The following RNF216 variants were observed in gnomAD, a reference collection of about 807,000 sequenced individuals.
The protein encoded by RNF216 is E3 ubiquitin-protein ligase RNF216.
Under a neutral mutation model 110.8 loss-of-function variants are expected in RNF216, and 72 were observed. The observed-to-expected ratio is 0.65, with a 90% confidence interval of 0.54 to 0.79. The LOEUF is 0.79. Among genes scored for constraint, RNF216 ranks in the 30% least tolerant of loss-of-function variants. RNF216 has a pLI of 0.00. For synonymous variants in RNF216, 495 were observed against 407.5 expected, an observed-to-expected ratio of 1.21 and a Z score of -2.59; for missense variants, 1,342 against 1,141.2, an observed-to-expected ratio of 1.18 and a Z score of -2.54.
intron 3 of RNF216, among the ~76,000 whole-genome samples, chr7:5,747,852 C>T (rs1795116494): frequency 6.6e-6 from 1 of 150,922 alleles, no homozygotes; most frequent in Non-Finnish European, 1.5e-5. Flanking sequence ...AATCATAGCT[C>T]ACTACAGCCT....
Position 5,742,995 on chromosome 7 carries a change from GC to G in RNF216, c.202-1181del, listed in dbSNP as rs554814217. The stretch of plus-strand genomic sequence containing the variant: ...TAAAAAACGTAGGCCAGGCGTGGTG[GC>G]TCATGCCTGTAATCCCAGCATTCAG... On this transcript the variant is annotated intron_variant, in intron 3 of 16. Transcript: ENST00000389902. 6.6e-5 allele frequency among the ~76,000 whole-genome samples: 10 copies of G among 152,268 alleles called. No homozygotes were observed. In the East Asian group the frequency reaches 1.7e-3, roughly 26 times the overall value.
intron 3 of RNF216, among the ~76,000 whole-genome samples, chr7:5,748,787 T>C (rs946671865): frequency 2.0e-5 from 3 of 152,154 alleles, no homozygotes; most frequent in Admixed American, 6.6e-5. Context: ...ACTTAAGTTT[T>C]TGGGGAGTCA....
At chr7:5,708,990 G>C (rs1792482646) in intron 13 of RNF216, among the ~76,000 whole-genome samples, 1 of 152,172 alleles carries the variant, frequency 6.6e-6, no homozygotes, top group African/African-American at 2.4e-5. Context: ...GCAGCCCCCA[G>C]GGACCTAGAC....
At chr7:5,751,071 C>A (rs913807563) in intron 3 of RNF216, among the ~76,000 whole-genome samples, 2 of 152,208 alleles carry the variant, frequency 1.3e-5, no homozygotes. Context: ...CTGGGTATTA[C>A]CCTCCTTAGA....
intron 13 of RNF216, among the ~76,000 whole-genome samples, chr7:5,682,651 C>G (rs1790735553): frequency 6.6e-6 from 1 of 152,164 alleles, no homozygotes; most frequent in Non-Finnish European, 1.5e-5. Context: ...AAATGATCCA[C>G]CCACCTCAGC....
intron 13 of RNF216, among the ~76,000 whole-genome samples, chr7:5,659,257 T>C (rs1473051185): frequency 2.6e-5 from 4 of 152,210 alleles, no homozygotes; most frequent in Non-Finnish European, 5.9e-5. Context: ...GATACAGCAA[T>C]AAACAAGTTA....
intron 6 of RNF216, among the ~76,000 whole-genome samples, 179 bp downstream of exon 6, chr7:5,730,536 C>T (rs35321519): frequency 0.043 from 6,498 of 150,642 alleles, 156 homozygotes; most frequent in African/African-American, 0.15. Flanking sequence ...TTCAAAGTGG[C>T]TCAGACTGGG....
chr7:5,667,897 G>A (rs1789631201), intron 13 of RNF216, among the ~76,000 whole-genome samples: 1 of 152,220 alleles, frequency 6.6e-6, no homozygotes, highest in African/African-American at 2.4e-5. Flanking sequence ...GTCTGGGCAT[G>A]GGATGGGAAG....
At position 5,622,631 on chromosome 7, in the gene RNF216, T is replaced by G; in HGVS notation, c.*229A>C. 3.8e-6 allele frequency: 2 copies of G among 527,366 alleles called. No individual in the cohort carries two copies. The highest frequency in any genetic ancestry group is 6.7e-6 in the Non-Finnish European group (2 of 297,356). 32.7% of individuals were successfully genotyped at this position (527,366 alleles called of 1,614,324 possible). A position where few individuals can be genotyped will look rare whatever the true frequency, so the allele number is the denominator to read the frequency against. The stretch of plus-strand genomic sequence containing the variant: ...CTGGGGGATGCGAGGGGAGGGGCAG[T>G]TCACATCGCAGCTCTCTCCGAACTC... On this transcript the variant is annotated 3_prime_UTR_variant, in exon 17 of 17. Coordinates refer to ENST00000389902, the MANE Select transcript of RNF216 (RefSeq NM_207111.4).
At chr7:5,759,494 T>C (rs13235943) in intron 2 of RNF216, among the ~76,000 whole-genome samples, 6,908 of 152,296 alleles carry the variant, frequency 0.045, 227 homozygotes, top group Non-Finnish European at 0.072. Context: ...ACTTCTTTTC[T>C]GTAGCTCACT....
chr7:5,637,673 A>G (rs1052089137), intron 15 of RNF216, among the ~76,000 whole-genome samples: 1 of 152,114 alleles, frequency 6.6e-6, no homozygotes, highest in African/African-American at 2.4e-5. Flanking sequence ...GGAGCTGGGA[A>G]CACAGGTGTG....
intron 13 of RNF216, among the ~76,000 whole-genome samples, chr7:5,674,521 G>C (rs890328360): frequency 1.3e-5 from 2 of 151,552 alleles, no homozygotes; most frequent in Non-Finnish European, 2.9e-5. Context: ...CCAGCTAATC[G>C]GGAGGCCAAG....
chr7:5,699,903 A>T (rs961452303), intron 13 of RNF216, among the ~76,000 whole-genome samples: 3 of 152,218 alleles, frequency 2.0e-5, no homozygotes, highest in African/African-American at 7.2e-5. Context: ...CAGGGAAGAC[A>T]CTGAGGAATA....
chr7:5,678,006 T>A (rs543995446), intron 13 of RNF216, among the ~76,000 whole-genome samples: 1 of 152,140 alleles, frequency 6.6e-6, no homozygotes, highest in Non-Finnish European at 1.5e-5. Context: ...ATTTTGCGAC[T>A]GTTCTTGGTA....
chr7:5,642,176 G>A (rs1044727976), intron 14 of RNF216, among the ~76,000 whole-genome samples: 3 of 151,388 alleles, frequency 2.0e-5, no homozygotes, highest in African/African-American at 7.3e-5. Flanking sequence ...CAGCAACTGT[G>A]AAGACACTAC....
chr7:5,774,315 A>T (rs1428740528), intron 1 of RNF216, among the ~76,000 whole-genome samples: 2 of 152,200 alleles, frequency 1.3e-5, no homozygotes, highest in African/African-American at 4.8e-5. Flanking sequence ...CATGTGCCCA[A>T]GTCCCAGCTT....
At position 5,741,186 on chromosome 7, in the gene RNF216, C is replaced by T. The variant is rs762487101; in HGVS notation, c.831G>A (p.Pro277=). 2.5e-5 allele frequency: 40 copies of T among 1,613,992 alleles called. No homozygotes were observed. The highest frequency in any genetic ancestry group is 8.3e-5 in the Admixed American group (5 of 59,990). Reference sequence around the variant, plus strand: ...CTGAAATCCCACCTTGCTGGGGTTCCGGCCTTGGAAAAGCGGGCCCTGGGA... The same window carrying T: ...CTGAAATCCCACCTTGCTGGGGTTCTGGCCTTGGAAAAGCGGGCCCTGGGA... The part of the protein sequence containing the change: ...HEFPGPAFPR[P]EPQQGGISGP... The change falls in exon 4 of 17, where the codon CCG becomes CCA. Residue 277 remains proline (P), a synonymous_variant. Coordinates refer to ENST00000389902, the MANE Select transcript of RNF216 (RefSeq NM_207111.4).
intron 8 of RNF216, among the ~76,000 whole-genome samples, chr7:5,722,617 C>T (rs1302104777): frequency 6.6e-6 from 1 of 151,972 alleles, no homozygotes; most frequent in Non-Finnish European, 1.5e-5. Context: ...GTCTTGATCT[C>T]CCGACCTCGT....
In RNF216 at chr7:5,715,321, A is replaced by G. The variant is rs1261192167; in HGVS notation, c.1696-131T>C. 5 of 772,368 alleles carry G rather than the reference A, an allele frequency of 6.5e-6. No individual in the cohort carries two copies. In the East Asian group the frequency reaches 1.2e-4, roughly 19 times the overall value. The allele number at this position is 772,368 out of a possible 1,614,324, so 47.8% of individuals were successfully genotyped here. A position where few individuals can be genotyped will look rare whatever the true frequency, so the allele number is the denominator to read the frequency against. ...TAAAGCAACCCATTTTAGGGGCCATAAAACAATGATATGCTGTTTCGTGCT... is the reference window on the plus strand; with the variant it reads ...TAAAGCAACCCATTTTAGGGGCCATGAAACAATGATATGCTGTTTCGTGCT... On this transcript the variant is annotated intron_variant, in intron 10 of 16. Coordinates refer to ENST00000389902, the MANE Select transcript of RNF216 (RefSeq NM_207111.4).
Sources: gnomAD v4.1 joint callset for allele counts (sites outside exome capture counted in the v4.1 genomes callset) on GRCh38, gnomAD v4.1.1 for gene constraint, MANE v1.5 for transcripts, NCBI Gene and HGNC (gene_info 2026-07-23, HGNC 2026-07-21) for gene names.